The following SH3GL1 variants were observed in gnomAD, a reference collection of about 807,000 sequenced individuals.
The protein encoded by SH3GL1 is endophilin-A2.
Under a neutral mutation model 48.8 loss-of-function variants are expected in SH3GL1, and 21 were observed. The ratio of observed to expected loss-of-function variants is 0.43; its 90% CI spans 0.30 to 0.62. SH3GL1 has a LOEUF of 0.62. SH3GL1 is among the 20% of genes least tolerant of loss of function. The pLI, the probability that SH3GL1 is intolerant of heterozygous loss-of-function variation, is 0.11. For missense variants in SH3GL1, 454 were observed against 503.0 expected, an observed-to-expected ratio of 0.90 and a Z score of 0.93; for synonymous variants, 282 against 217.5, an observed-to-expected ratio of 1.30 and a Z score of -2.61.
chr19:4,379,357 TG>T (rs1417093537), intron 1 of SH3GL1, among the ~76,000 whole-genome samples: 2 of 145,348 alleles, frequency 1.4e-5, no homozygotes, highest in Non-Finnish European at 3.0e-5. Context: ...ACCCAGCAGG[TG>T]GGGGTTGCTG....
intron 5 of SH3GL1, 27 bp from the exon 6 acceptor site, chr19:4,363,905 A>C (rs1415122931): frequency 6.2e-7 from 1 of 1,611,482 alleles, no homozygotes; most frequent in Non-Finnish European, 8.5e-7. Flanking sequence ...CATGGGTCAC[A>C]CCAGTAGCGG....
At chr19:4,361,913 C>T (rs1972627512) in intron 9 of SH3GL1, 117 bp from the exon 10 acceptor site, 2 of 724,352 alleles carry the variant, frequency 2.8e-6, no homozygotes, top group Admixed American at 2.4e-5. Context: ...CCCCTCTGCC[C>T]TGCCTGGGCC....
intron 1 of SH3GL1, among the ~76,000 whole-genome samples, chr19:4,370,034 A>G (rs936132633): frequency 1.2e-4 from 11 of 92,090 alleles, no homozygotes; most frequent in African/African-American, 4.6e-4. Flanking sequence ...CGGTCTCCAC[A>G]CCAGCACACT....
chr19:4,384,868 C>T (rs1041488509), intron 1 of SH3GL1, among the ~76,000 whole-genome samples: 5 of 152,146 alleles, frequency 3.3e-5, no homozygotes, highest in African/African-American at 4.8e-5. Flanking sequence ...CTCTGGGAGG[C>T]CAAAGCAGGC....
intron 1 of SH3GL1, among the ~76,000 whole-genome samples, chr19:4,381,250 GC>G (rs1973119700): frequency 2.1e-5 from 1 of 47,960 alleles, no homozygotes; most frequent in Admixed American, 3.0e-4. Context: ...TGTCCCCTCT[GC>G]CTCTCTCTGT....
At chr19:4,370,394 G>A (rs1291189323) in intron 1 of SH3GL1, among the ~76,000 whole-genome samples, 1 of 152,152 alleles carries the variant, frequency 6.6e-6, no homozygotes, top group East Asian at 1.9e-4. Context: ...TTCCCACCCC[G>A]CATGGCAGGA....
At position 4,394,092 on chromosome 19, in the gene SH3GL1, A is replaced by G. The variant is rs371088711; in HGVS notation, c.45+6232T>C. 1.1e-3 allele frequency among the ~76,000 whole-genome samples: 154 copies of G among 140,860 alleles called. 1 individual carries two copies. Among genetic ancestry groups the G allele is most frequent in the South Asian group, 5.7e-3 (25 of 4,414 alleles). The allele number at this position is 140,860 out of a possible 152,430, so 92.4% of individuals were successfully genotyped here. ...TAGCTCAGTCTGAAGCAATCTTTCC[A>G]TTCAAATGTTCAAACCCTCTCCCTC... On this transcript the variant is annotated intron_variant, in intron 1 of 9. Transcript: ENST00000269886.
chr19:4,387,183 G>A (rs918386955), intron 1 of SH3GL1, among the ~76,000 whole-genome samples: 1 of 152,182 alleles, frequency 6.6e-6, no homozygotes, highest in Non-Finnish European at 1.5e-5. Flanking sequence ...TGATCTGCCC[G>A]CCTCGCCCTC....
In SH3GL1 at chr19:4,366,583, G is replaced by C; in HGVS notation, c.115-10C>G. 2.5e-6 allele frequency: 4 copies of C among 1,611,026 alleles called. No homozygotes were observed. In the African/African-American group the frequency reaches 4.0e-5, roughly 16 times the overall value. ...TGGTGACATCCACCTTCTGTGAAGA[G>C]AAGCAGCATATAAGACTCCACAGCC... On this transcript the variant is annotated splice_polypyrimidine_tract_variant and intron_variant, in intron 2 of 9. Coordinates refer to ENST00000269886, the MANE Select transcript of SH3GL1 (RefSeq NM_003025.4).
chr19:4,390,934 C>T (rs190599782), intron 1 of SH3GL1, among the ~76,000 whole-genome samples: 28 of 152,300 alleles, frequency 1.8e-4, no homozygotes, highest in Admixed American at 6.5e-5. Flanking sequence ...AAATTAAACA[C>T]GACGTTTCCC....
rs1275936618 is a variant in SH3GL1 at position 4,381,301 on chromosome 19, CCTCT to C, written c.46-14311_46-14308del. On this transcript the variant is annotated intron_variant, in intron 1 of 9. Transcript: ENST00000269886. ...CTCCCGTCTCCCTCTGTCCCCTCTGCCTCTCTCTGTCCCCCTATGTCTCCCGTCT... is the reference window on the plus strand; with the variant it reads ...CTCCCGTCTCCCTCTGTCCCCTCTGCCTCTGTCCCCCTATGTCTCCCGTCT... 6.7e-4 allele frequency among the ~76,000 whole-genome samples: 81 copies of C among 120,938 alleles called. 1 individual carries two copies. Among genetic ancestry groups the C allele is most frequent in the Non-Finnish European group, 1.2e-3 (70 of 58,656 alleles). 79.3% of individuals were successfully genotyped at this position (120,938 alleles called of 152,430 possible).
chr19:4,371,126 G>A (rs1386746202), intron 1 of SH3GL1, among the ~76,000 whole-genome samples: 1 of 152,282 alleles, frequency 6.6e-6, no homozygotes, highest in Non-Finnish European at 1.5e-5. Flanking sequence ...CCCCCTGGGA[G>A]AAGGGGGCTA....
chr19:4,383,224 T>C (rs1391095341), intron 1 of SH3GL1, among the ~76,000 whole-genome samples: 1 of 151,214 alleles, frequency 6.6e-6, no homozygotes, highest in Non-Finnish European at 1.5e-5. Context: ...GGACATTTTT[T>C]TTTTTTTTGA....
chr19:4,388,642 G>A (rs1423514499), intron 1 of SH3GL1, among the ~76,000 whole-genome samples: 2 of 152,248 alleles, frequency 1.3e-5, no homozygotes, highest in South Asian at 2.1e-4. Flanking sequence ...AGTTTCTGGA[G>A]GCTGGGAGTG....
intron 1 of SH3GL1, among the ~76,000 whole-genome samples, chr19:4,384,040 G>C (rs1973188788): frequency 6.6e-6 from 1 of 152,218 alleles, no homozygotes; most frequent in Non-Finnish European, 1.5e-5. Flanking sequence ...AGGTGAATTT[G>C]CACAGGGAGC....
intron 1 of SH3GL1, among the ~76,000 whole-genome samples, chr19:4,383,179 A>G (rs1461255390): frequency 6.6e-6 from 1 of 151,424 alleles, no homozygotes; most frequent in African/African-American, 2.4e-5. Context: ...CAGCCTCCCA[A>G]AATGCTGGGA....
At chr19:4,399,245 A>C (rs1356621587) in intron 1 of SH3GL1, among the ~76,000 whole-genome samples, 1 of 139,594 alleles carries the variant, frequency 7.2e-6, no homozygotes, top group Non-Finnish European at 1.5e-5. Context: ...GCTTGAACAC[A>C]GGAGGCGGAG....
chr19:4,386,485 T>C (rs1973237445), intron 1 of SH3GL1, among the ~76,000 whole-genome samples: 1 of 151,700 alleles, frequency 6.6e-6, no homozygotes, highest in African/African-American at 2.4e-5. Flanking sequence ...TCTTTTTTTT[T>C]TTTATTTCTT....
intron 1 of SH3GL1, among the ~76,000 whole-genome samples, chr19:4,399,058 G>A (rs983256000): frequency 2.0e-5 from 3 of 152,162 alleles, no homozygotes; most frequent in African/African-American, 2.4e-5. Flanking sequence ...GGTGGCTTAC[G>A]TCGATAATCC....
Sources: allele counts gnomAD v4.1 joint callset (sites outside exome capture counted in the v4.1 genomes callset), GRCh38; gene constraint gnomAD v4.1.1; transcripts MANE v1.5; gene names NCBI Gene and HGNC (gene_info 2026-07-23, HGNC 2026-07-21).